The following MAPK8IP3 variants were observed in gnomAD, a reference collection of about 807,000 sequenced individuals.
MAPK8IP3 encodes the protein mitogen-activated protein kinase 8 interacting protein 3, also known as C-Jun-amino-terminal kinase-interacting protein 3.
In MAPK8IP3, 49 loss-of-function variants were observed where a neutral mutation model predicts 157.8. The ratio of observed to expected loss-of-function variants is 0.31; its 90% confidence interval spans 0.25 to 0.39. MAPK8IP3 has a LOEUF of 0.39. Among genes scored for constraint, MAPK8IP3 ranks in the 10% least tolerant of loss-of-function variants. MAPK8IP3 has a pLI of 1.00. For missense variants in MAPK8IP3, 1,478 were observed against 1,889.4 expected (o/e 0.78, Z 4.04); for synonymous variants, 897 against 777.7 (o/e 1.15, Z -2.55).
At chr16:1,740,317 C>G (rs533657690) in intron 4 of MAPK8IP3, among the ~76,000 whole-genome samples, 28 of 142,874 alleles carry the variant, frequency 2.0e-4, no homozygotes, top group South Asian at 1.4e-3. Flanking sequence ...TGTGATCATC[C>G]GTAACCGTGT....
chr16:1,762,589 G>T, intron 14 of MAPK8IP3, 86 bp from the exon 15 acceptor site: 1 of 1,555,116 alleles, frequency 6.4e-7, no homozygotes, highest in Non-Finnish European at 8.7e-7. Context: ...GAAGTGCGCT[G>T]GGTGCTTCCT....
At position 1,724,022 on chromosome 16, in the gene MAPK8IP3, C is replaced by G. The variant is rs2038705697; in HGVS notation, c.319-535C>G. Among the ~76,000 whole-genome samples the G allele has an allele frequency of 1.3e-5, 2 of 152,156 alleles. No individual in the cohort carries two copies. Among genetic ancestry groups the G allele is most frequent in the African/African-American group, 2.4e-5 (1 of 41,434 alleles). ...GTGTCCTGAGCTGAGCTGCAACTGA[C>G]ATGCAGAAAAGTAGGCTCAACCTTG... On this transcript the variant is annotated intron_variant, in intron 1 of 31. Coordinates refer to ENST00000610761, the MANE Select transcript of MAPK8IP3 (RefSeq NM_001318852.2). The surrounding 1 kb of genome is among the most constrained non-coding windows in gnomAD (Gnocchi z 4.1).
rs527330508 is a variant in MAPK8IP3 at position 1,731,496 on chromosome 16, G to A, written c.602+1918G>A. ...ACCCAGATGCCCGGAGAGGAGACAG[G>A]AGGGCCAGGCAGTGTCACGTGTCAC... On this transcript the variant is annotated intron_variant, in intron 4 of 31. Coordinates refer to ENST00000610761, the MANE Select transcript of MAPK8IP3 (RefSeq NM_001318852.2). Among the ~76,000 whole-genome samples, 227 of 152,336 alleles carry A rather than the reference G, an allele frequency of 1.5e-3. 1 individual carries two copies. Among genetic ancestry groups the A allele is most frequent in the Middle Eastern group, 3.4e-3 (1 of 294 alleles).
intron 8 of MAPK8IP3, among the ~76,000 whole-genome samples, chr16:1,754,406 T>TCTCCG (rs1209959388): frequency 9.8e-5 from 15 of 152,320 alleles, no homozygotes; most frequent in African/African-American, 3.6e-4. Flanking sequence ...CTGATCTTTC[T>TCTCCG]CTCCGCTCTG....
Position 1,724,448 on chromosome 16 carries a change from G to C in MAPK8IP3, c.319-109G>C, listed in dbSNP as rs1024924997. Reference sequence around the variant, plus strand: ...TGGCCATGGGCCAGCTTGTGGCCCTGGGGACATCTTTGGCCCCTGGGCCCT... The same window carrying C: ...TGGCCATGGGCCAGCTTGTGGCCCTCGGGACATCTTTGGCCCCTGGGCCCT... On this transcript the variant is annotated intron_variant, in intron 1 of 31. Transcript: ENST00000610761. The surrounding 1 kb of genome is among the most constrained non-coding windows in gnomAD (Gnocchi z 4.1). The C allele has an allele frequency of 1.0e-5, 15 of 1,434,992 alleles. 1 individual carries two copies. Among genetic ancestry groups the C allele is most frequent in the South Asian group, 9.0e-5 (7 of 77,522 alleles). The allele number at this position is 1,434,992 out of a possible 1,614,324, so 88.9% of individuals were successfully genotyped here.
At chr16:1,733,188 C>T (rs1052450296) in intron 4 of MAPK8IP3, among the ~76,000 whole-genome samples, 1 of 152,182 alleles carries the variant, frequency 6.6e-6, no homozygotes, top group African/African-American at 2.4e-5. Context: ...TGCCTCCTTG[C>T]CAGCGCAGCC....
chr16:1,712,398 C>A (rs977769155), intron 1 of MAPK8IP3, among the ~76,000 whole-genome samples: 1 of 152,076 alleles, frequency 6.6e-6, no homozygotes, highest in Non-Finnish European at 1.5e-5. Flanking sequence ...CTTTTCATCT[C>A]CTTTGCTGCC....
intron 26 of MAPK8IP3, 54 bp from the exon 27 acceptor site, chr16:1,767,509 TC>T: frequency 6.3e-7 from 1 of 1,579,994 alleles, no homozygotes. Flanking sequence ...GGTTTGGGGC[TC>T]CCCACTTCCT....
chr16:1,750,533 TA>T (rs1275915998), intron 8 of MAPK8IP3, among the ~76,000 whole-genome samples: 1 of 151,960 alleles, frequency 6.6e-6, no homozygotes, highest in Non-Finnish European at 1.5e-5. Flanking sequence ...ATTTTTTAGC[TA>T]TTTTTTTTAT....
At chr16:1,748,216 C>T (rs755416076) in intron 6 of MAPK8IP3, 28 bp from the exon 7 acceptor site, 1 of 1,565,382 alleles carries the variant, frequency 6.4e-7, no homozygotes, top group Admixed American at 1.7e-5. Flanking sequence ...CCTCTCCTGA[C>T]CCCAGGTGCC....
intron 8 of MAPK8IP3, among the ~76,000 whole-genome samples, chr16:1,750,359 C>T (rs1181190055): frequency 1.3e-5 from 2 of 151,834 alleles, no homozygotes; most frequent in Non-Finnish European, 2.9e-5. Context: ...ATTAGAGGCA[C>T]GCGCCACCAC....
At position 1,732,790 on chromosome 16, in the gene MAPK8IP3, G is replaced by A. The variant is rs565155636; in HGVS notation, c.602+3212G>A. ...CGAGAACGGGTGGTGCCAGCCATCC[G>A]CCCACCTGGAGCACCATGAGAACTA... On this transcript the variant is annotated intron_variant, in intron 4 of 31. Transcript: ENST00000610761. Among the ~76,000 whole-genome samples the A allele has an allele frequency of 3.3e-5, 5 of 151,964 alleles. No individual in the cohort carries two copies. In the East Asian group the frequency reaches 5.8e-4, roughly 18 times the overall value.
At chr16:1,721,853 T>G (rs2038546391) in intron 1 of MAPK8IP3, among the ~76,000 whole-genome samples, 1 of 152,198 alleles carries the variant, frequency 6.6e-6, no homozygotes, top group South Asian at 2.1e-4. Context: ...CCCTGCAACC[T>G]CCGCCTCCCG....
In MAPK8IP3 at chr16:1,706,523, G is replaced by C; in HGVS notation, c.184G>C (p.Val62Leu). 1 of 1,614,066 alleles carries C rather than the reference G, an allele frequency of 6.2e-7. No homozygotes were observed. Among genetic ancestry groups the C allele is most frequent in the Non-Finnish European group, 8.5e-7 (1 of 1,179,970 alleles). The change falls in exon 1 of 32, where the codon GTG (valine) becomes CTG (leucine). Residue 62 changes from valine (V) to leucine (L), a missense_variant. Coordinates refer to ENST00000610761, the MANE Select transcript of MAPK8IP3 (RefSeq NM_001318852.2). The surrounding 1 kb of genome is among the most constrained non-coding windows in gnomAD (Gnocchi z 5.1). ...GGAGCTCATGCCGCTGGTGGTGAAC[G>C]TGCTGGAGAACCTAGACTCGGTGCT... ...VKELMPLVVN[V>L]LENLDSVLSE...
chr16:1,709,339 G>C (rs949853644), intron 1 of MAPK8IP3, among the ~76,000 whole-genome samples: 1 of 152,152 alleles, frequency 6.6e-6, no homozygotes, highest in South Asian at 2.1e-4. Context: ...GTGTCAGCCC[G>C]GCCCTCAGGA....
intron 4 of MAPK8IP3, among the ~76,000 whole-genome samples, chr16:1,734,454 A>G (rs2039528823): frequency 6.6e-6 from 1 of 152,186 alleles, no homozygotes; most frequent in Non-Finnish European, 1.5e-5. Context: ...GACCCTGGCC[A>G]GGAAGGAGAG....
rs1273615658 is a variant in MAPK8IP3, at chr16:1,769,505, C to T, written c.*681C>T. ...ACAGAGACTGCTACCCCATCCTGCC[C>T]ATGCAGGCAGGCTCTTGCCAGCCCC... On this transcript the variant is annotated 3_prime_UTR_variant, in exon 32 of 32. Transcript: ENST00000610761. 6.5e-6 allele frequency: 1 copy of T among 152,880 alleles called. No individual in the cohort carries two copies. The highest frequency in any genetic ancestry group is 1.5e-5 in the Non-Finnish European group (1 of 68,426). The allele number at this position is 152,880 out of a possible 1,614,324, so 9.5% of individuals were successfully genotyped here.
At chr16:1,726,106 C>T (rs757347036) in intron 2 of MAPK8IP3, among the ~76,000 whole-genome samples, 1 of 152,208 alleles carries the variant, frequency 6.6e-6, no homozygotes, top group Admixed American at 6.5e-5. Context: ...ATATGTTAGA[C>T]TTACTCCTAT....
chr16:1,717,113 A>G (rs575931505), intron 1 of MAPK8IP3, among the ~76,000 whole-genome samples: 1 of 151,640 alleles, frequency 6.6e-6, no homozygotes, highest in South Asian at 2.1e-4. Context: ...CTATAATCCT[A>G]GCTACTCAGG....
Sources: gnomAD v4.1 joint callset for allele counts (sites outside exome capture counted in the v4.1 genomes callset) on GRCh38, gnomAD v4.1.1 for gene constraint, Gnocchi (gnomAD v3.1) non-coding constraint, MANE v1.5 for transcripts, NCBI Gene and HGNC (gene_info 2026-07-23, HGNC 2026-07-21) for gene names.